Variants in NKAIN3 observed in about 807,000 individuals in gnomAD.
The protein encoded by NKAIN3 is sodium/potassium transporting ATPase interacting 3.
A neutral mutation model predicts 30.2 loss-of-function variants in NKAIN3; 25 were observed. The observed-to-expected ratio is 0.83, with a 90% CI of 0.60 to 1.16. The LOEUF (loss-of-function observed/expected upper bound fraction) is 1.16. Among genes scored for constraint, NKAIN3 ranks in the 50% most tolerant of loss-of-function variants. NKAIN3 has a pLI of 0.00. For missense variants in NKAIN3, 225 were observed against 254.1 expected, an observed-to-expected ratio of 0.89 and a Z score of 0.78; for synonymous variants, 91 against 89.6, an observed-to-expected ratio of 1.02 and a Z score of -0.09.
intron 1 of NKAIN3, among the ~76,000 whole-genome samples, chr8:62,264,514 A>G (rs1195205897): frequency 6.6e-6 from 1 of 152,148 alleles, no homozygotes; most frequent in Non-Finnish European, 1.5e-5. Context: ...CTCCTTCCCC[A>G]CTTGGTTCTC....
At chr8:62,382,459 T>C (rs1462724159) in intron 1 of NKAIN3, among the ~76,000 whole-genome samples, 4 of 152,138 alleles carry the variant, frequency 2.6e-5, no homozygotes, top group Admixed American at 6.5e-5. Flanking sequence ...GAAATTTGTA[T>C]AATTTTACAG....
intron 4 of NKAIN3, among the ~76,000 whole-genome samples, chr8:62,846,491 C>T (rs1486079469): frequency 6.6e-6 from 1 of 152,024 alleles, no homozygotes; most frequent in Non-Finnish European, 1.5e-5. Context: ...CATCCCCCAC[C>T]CTCCAACAGG....
At chr8:62,831,668 G>T (rs1022055647) in intron 4 of NKAIN3, among the ~76,000 whole-genome samples, 3 of 151,940 alleles carry the variant, frequency 2.0e-5, no homozygotes, top group Non-Finnish European at 2.9e-5. Flanking sequence ...AACCCAGTTA[G>T]CTAAAAATAA....
chr8:62,937,103 T>C (rs918351815), intron 5 of NKAIN3, among the ~76,000 whole-genome samples: 1 of 151,380 alleles, frequency 6.6e-6, no homozygotes, highest in Non-Finnish European at 1.5e-5. Context: ...ATATGTGTAT[T>C]CAGTTGACCA....
At chr8:62,377,622 G>A (rs1817130038) in intron 1 of NKAIN3, among the ~76,000 whole-genome samples, 1 of 152,110 alleles carries the variant, frequency 6.6e-6, no homozygotes, top group Non-Finnish European at 1.5e-5. Context: ...GTTGTGGGAA[G>A]GACCTGGTGG....
chr8:62,313,820 T>C (rs1814527918), intron 1 of NKAIN3, among the ~76,000 whole-genome samples: 1 of 152,164 alleles, frequency 6.6e-6, no homozygotes, highest in African/African-American at 2.4e-5. Context: ...GCCAAATATA[T>C]TTATGACCTG....
chr8:62,730,151 T>C (rs924916189), intron 3 of NKAIN3, among the ~76,000 whole-genome samples: 4 of 152,298 alleles, frequency 2.6e-5, no homozygotes, highest in African/African-American at 9.6e-5. Context: ...AATTATTTTC[T>C]GCTCTTACAT....
At chr8:62,513,236 T>C (rs1201745456) in intron 1 of NKAIN3, among the ~76,000 whole-genome samples, 6 of 151,702 alleles carry the variant, frequency 4.0e-5, no homozygotes, top group African/African-American at 1.5e-4. Context: ...GATAAATAGA[T>C]GCCTCACACC....
At chr8:62,722,500 T>C (rs1030055370) in intron 3 of NKAIN3, among the ~76,000 whole-genome samples, 1 of 152,214 alleles carries the variant, frequency 6.6e-6, no homozygotes, top group Admixed American at 6.5e-5. Context: ...TTTGTGGCCA[T>C]TGGCCCTTAT....
intron 4 of NKAIN3, among the ~76,000 whole-genome samples, chr8:62,823,873 A>G (rs943132387): frequency 6.6e-6 from 1 of 152,176 alleles, no homozygotes; most frequent in East Asian, 1.9e-4. Flanking sequence ...CTCTCACACC[A>G]GTTGTCTTAC....
chr8:62,624,074 G>A (rs892432729), intron 3 of NKAIN3, among the ~76,000 whole-genome samples: 5 of 152,034 alleles, frequency 3.3e-5, no homozygotes, highest in Non-Finnish European at 7.4e-5. Flanking sequence ...GGTGCTGGTA[G>A]GAGTATCCTT....
At chr8:62,501,555 C>T (rs1807450676) in intron 1 of NKAIN3, among the ~76,000 whole-genome samples, 1 of 152,132 alleles carries the variant, frequency 6.6e-6, no homozygotes, top group East Asian at 1.9e-4. Flanking sequence ...GTTGTTCCTC[C>T]TATGGAGTCA....
chr8:62,738,024 T>C (rs1815733009), intron 3 of NKAIN3, among the ~76,000 whole-genome samples: 1 of 152,210 alleles, frequency 6.6e-6, no homozygotes, highest in East Asian at 1.9e-4. Flanking sequence ...CCTTTAGGTA[T>C]ATACCCAGTA....
At chr8:62,554,389 T>C (rs1465645290) in intron 1 of NKAIN3, among the ~76,000 whole-genome samples, 1 of 152,130 alleles carries the variant, frequency 6.6e-6, no homozygotes, top group African/African-American at 2.4e-5. Context: ...AAGAATCTTT[T>C]AATGAAGCAG....
At chr8:62,553,970 C>G (rs1809305753) in intron 1 of NKAIN3, among the ~76,000 whole-genome samples, 1 of 152,164 alleles carries the variant, frequency 6.6e-6, no homozygotes. Context: ...AACAATATCT[C>G]TTGATGGAAA....
At chr8:62,569,329 T>A (rs1028419187) in intron 1 of NKAIN3, among the ~76,000 whole-genome samples, 3 of 152,172 alleles carry the variant, frequency 2.0e-5, no homozygotes, top group African/African-American at 7.2e-5. Context: ...AATATAAAAC[T>A]GTACTTGGCC....
chr8:62,357,715 C>G (rs1465531807), intron 1 of NKAIN3, among the ~76,000 whole-genome samples: 1 of 152,172 alleles, frequency 6.6e-6, no homozygotes, highest in Non-Finnish European at 1.5e-5. Flanking sequence ...CTGTTTCTCT[C>G]TCTGCCTTTG....
At chr8:62,697,815 A>G (rs1281286119) in intron 3 of NKAIN3, among the ~76,000 whole-genome samples, 2 of 152,232 alleles carry the variant, frequency 1.3e-5, no homozygotes, top group Non-Finnish European at 2.9e-5. Context: ...AAAAGATGTA[A>G]TTTCTATATA....
At chr8:62,353,735 G>T (rs919916065) in intron 1 of NKAIN3, among the ~76,000 whole-genome samples, 3 of 152,090 alleles carry the variant, frequency 2.0e-5, no homozygotes, top group Admixed American at 6.5e-5. Flanking sequence ...CCCTTATAGA[G>T]AATTTTTTGT....
Sources: allele counts gnomAD v4.1 joint callset (sites outside exome capture counted in the v4.1 genomes callset), GRCh38; gene constraint gnomAD v4.1.1; transcripts MANE v1.5; gene names NCBI Gene and HGNC (gene_info 2026-07-23, HGNC 2026-07-21).